Variants in PBLD observed in about 807,000 individuals in gnomAD.
PBLD encodes phenazine biosynthesis like protein domain containing, also known as phenazine biosynthesis-like domain-containing protein.
In PBLD, 26 loss-of-function variants were observed where a neutral mutation model predicts 31.3. The observed-to-expected ratio is 0.83, with a 90% confidence interval of 0.61 to 1.15. PBLD has a LOEUF of 1.15. Ranked by LOEUF, PBLD falls within the 50% of genes most tolerant of loss-of-function variation. PBLD has a pLI of 0.00. For synonymous variants in PBLD, 114 were observed against 129.0 expected, an observed-to-expected ratio of 0.88 and a Z score of 0.79; for missense variants, 307 against 351.7, an observed-to-expected ratio of 0.87 and a Z score of 1.02.
At chr10:68,285,514 C>T in intron 8 of PBLD, 104 bp from the exon 9 acceptor site, 1 of 1,442,934 alleles carries the variant, frequency 6.9e-7, no homozygotes, top group Non-Finnish European at 9.2e-7. Context: ...TGAATAAACT[C>T]TAGATCACCT....
chr10:68,319,100 AAAGAAAG>A (rs1393461313), intron 1 of PBLD, among the ~76,000 whole-genome samples: 1 of 133,936 alleles, frequency 7.5e-6, no homozygotes, highest in Non-Finnish European at 1.5e-5. Flanking sequence ...AGAAAGAAAG[AAAGAAAG>A]AAAGGAAAAA....
chr10:68,318,034 T>G (rs1441916599), intron 1 of PBLD, among the ~76,000 whole-genome samples: 2 of 152,060 alleles, frequency 1.3e-5, no homozygotes, highest in Admixed American at 1.3e-4. Flanking sequence ...GAGACCATCC[T>G]GGATAACACA....
chr10:68,285,513 T>C, intron 8 of PBLD, 103 bp from the exon 9 acceptor site: 1 of 1,452,310 alleles, frequency 6.9e-7, no homozygotes, highest in Non-Finnish European at 9.1e-7. Flanking sequence ...TTGAATAAAC[T>C]CTAGATCACC....
intron 6 of PBLD, 112 bp downstream of exon 6, chr10:68,291,898 A>G (rs2044362849): frequency 1.7e-6 from 2 of 1,203,324 alleles, no homozygotes; most frequent in Admixed American, 4.5e-5. Flanking sequence ...AACCTGAAAC[A>G]CTGTAACATT....
chr10:68,310,145 A>C (rs2044646098), intron 1 of PBLD, among the ~76,000 whole-genome samples: 1 of 150,068 alleles, frequency 6.7e-6, no homozygotes, highest in African/African-American at 2.5e-5. Context: ...CAAAAAGAAA[A>C]AAGAAAATAA....
At chr10:68,294,028 C>G (rs922944073) in intron 4 of PBLD, among the ~76,000 whole-genome samples, 2 of 152,134 alleles carry the variant, frequency 1.3e-5, no homozygotes, top group Non-Finnish European at 2.9e-5. Context: ...TCAGTAAACC[C>G]TATTTTTCAA....
rs775763662 is a variant in PBLD, at chr10:68,284,137, C to T, written c.*40G>A. 3.3e-6 allele frequency: 5 copies of T among 1,529,274 alleles called. No individual in the cohort carries two copies. The South Asian group carries it at 4.6e-5, about 14-fold the overall frequency. The allele number at this position is 1,529,274 out of a possible 1,614,324, so 94.7% of individuals were successfully genotyped here. On this transcript the variant is annotated 3_prime_UTR_variant, in exon 10 of 10. Coordinates refer to ENST00000358769, the MANE Select transcript of PBLD (RefSeq NM_022129.4). ...TACATTTCTTTTTAAGCAGAAAATACTTGGTGGTTAGAGACAGCAGCGTCA... is the reference window on the plus strand; with the variant it reads ...TACATTTCTTTTTAAGCAGAAAATATTTGGTGGTTAGAGACAGCAGCGTCA...
intron 4 of PBLD, among the ~76,000 whole-genome samples, chr10:68,293,945 A>G (rs1361700555): frequency 1.3e-5 from 2 of 152,190 alleles, no homozygotes; most frequent in African/African-American, 4.8e-5. Context: ...ATTGCACTCC[A>G]GCCTGGGTGA....
At chr10:68,311,645 G>A (rs919571451) in intron 1 of PBLD, among the ~76,000 whole-genome samples, 1 of 151,764 alleles carries the variant, frequency 6.6e-6, no homozygotes, top group Non-Finnish European at 1.5e-5. Flanking sequence ...CCAGCTACTC[G>A]GGAAGCTGAG....
At chr10:68,298,232 C>T (rs963666708) in intron 2 of PBLD, among the ~76,000 whole-genome samples, 13 of 151,812 alleles carry the variant, frequency 8.6e-5, no homozygotes, top group South Asian at 4.2e-4. Context: ...CCAGCCTGGG[C>T]GACAGAGCAA....
intron 1 of PBLD, among the ~76,000 whole-genome samples, chr10:68,317,332 TGAAAG>T (rs2044749009): frequency 6.6e-6 from 1 of 152,062 alleles, no homozygotes; most frequent in Non-Finnish European, 1.5e-5. Context: ...CAGGCTAAGA[TGAAAG>T]GACACTAGAC....
chr10:68,307,795 G>A (rs908901747), intron 1 of PBLD, among the ~76,000 whole-genome samples: 7 of 152,170 alleles, frequency 4.6e-5, no homozygotes, highest in East Asian at 3.9e-4. Context: ...CACCGCACCC[G>A]GCCGCTTAAG....
At chr10:68,325,442 G>A (rs1471384059) in intron 1 of PBLD, among the ~76,000 whole-genome samples, 1 of 152,098 alleles carries the variant, frequency 6.6e-6, no homozygotes, top group Non-Finnish European at 1.5e-5. Flanking sequence ...GTGTATGCCT[G>A]TAGTCCCAGC....
At chr10:68,308,073 C>G (rs567988942) in intron 1 of PBLD, among the ~76,000 whole-genome samples, 1 of 151,994 alleles carries the variant, frequency 6.6e-6, no homozygotes, top group Non-Finnish European at 1.5e-5. Flanking sequence ...ATCCCAGGAC[C>G]CCCTGAGGAC....
intron 1 of PBLD, among the ~76,000 whole-genome samples, chr10:68,322,217 G>A (rs2044845455): frequency 1.3e-5 from 2 of 152,106 alleles, no homozygotes; most frequent in Non-Finnish European, 2.9e-5. Context: ...AAACCCAGTT[G>A]AAGGATATTC....
chr10:68,320,747 G>A (rs2044822551), intron 1 of PBLD, among the ~76,000 whole-genome samples: 1 of 150,948 alleles, frequency 6.6e-6, no homozygotes, highest in Non-Finnish European at 1.5e-5. Context: ...GAACCTCCTG[G>A]GCCTCAAGCA....
intron 4 of PBLD, 144 bp downstream of exon 4, chr10:68,296,122 T>C: frequency 1.8e-6 from 1 of 565,240 alleles, no homozygotes. Flanking sequence ...GCTGGTTTTG[T>C]TTCTGCATTA....
intron 2 of PBLD, among the ~76,000 whole-genome samples, chr10:68,302,867 TA>T (rs1453171249): frequency 1.2e-4 from 15 of 124,892 alleles, no homozygotes; most frequent in East Asian, 5.9e-4. Flanking sequence ...AATTAGAATT[TA>T]AAAAAAAAAA....
chr10:68,326,213 T>C (rs1035826703), intron 1 of PBLD, among the ~76,000 whole-genome samples: 1 of 152,162 alleles, frequency 6.6e-6, no homozygotes, highest in African/African-American at 2.4e-5. Context: ...ATTATTTTTG[T>C]ATTTTTAGTA....
Sources: gnomAD v4.1 joint callset for allele counts (sites outside exome capture counted in the v4.1 genomes callset) on GRCh38, gnomAD v4.1.1 for gene constraint, MANE v1.5 for transcripts, NCBI Gene and HGNC (gene_info 2026-07-23, HGNC 2026-07-21) for gene names.